The following PDE10A variants were observed in gnomAD, a reference collection of about 807,000 sequenced individuals.
PDE10A encodes cAMP and cAMP-inhibited cGMP 3',5'-cyclic phosphodiesterase 10A.
A neutral mutation model predicts 97.7 loss-of-function variants in PDE10A; 39 were observed. The ratio of observed to expected loss-of-function variants is 0.40; its 90% CI spans 0.31 to 0.52. PDE10A has a LOEUF of 0.52. Ranked by LOEUF, PDE10A falls within the 20% of genes least tolerant of loss-of-function variation. PDE10A has a pLI of 0.56. For synonymous variants in PDE10A, 371 were observed against 376.8 expected, an observed-to-expected ratio of 0.98 and a Z score of 0.18; for missense variants, 731 against 1,047.8, an observed-to-expected ratio of 0.70 and a Z score of 4.17.
At chr6:165,628,938 G>A (rs937547826) in intron 1 of PDE10A, among the ~76,000 whole-genome samples, 3 of 151,928 alleles carry the variant, frequency 2.0e-5, no homozygotes, top group African/African-American at 7.3e-5. Flanking sequence ...AATTATCAGA[G>A]GGCAACAGAT....
intron 3 of PDE10A, among the ~76,000 whole-genome samples, chr6:165,474,085 A>C (rs1209914190): frequency 6.6e-6 from 1 of 152,220 alleles, no homozygotes; most frequent in Non-Finnish European, 1.5e-5. Context: ...ACAGTTGATT[A>C]TGTTAATCCT....
chr6:165,356,103 T>G, intron 18 of PDE10A, among the ~76,000 whole-genome samples: 1 of 152,054 alleles, frequency 6.6e-6, no homozygotes, highest in East Asian at 1.9e-4. Context: ...TGGGTGAGAA[T>G]TCATTCACTA....
At chr6:165,903,207 G>T (rs577224039) in intron 1 of PDE10A, among the ~76,000 whole-genome samples, 1 of 152,150 alleles carries the variant, frequency 6.6e-6, no homozygotes, top group Non-Finnish European at 1.5e-5. Flanking sequence ...TTATTCTTCT[G>T]CATTGGGAGC....
At chr6:165,501,701 G>A (rs1780900640) in intron 2 of PDE10A, among the ~76,000 whole-genome samples, 1 of 152,168 alleles carries the variant, frequency 6.6e-6, no homozygotes, top group Non-Finnish European at 1.5e-5. Flanking sequence ...ATACCCTGTT[G>A]AAGGATCAGA....
chr6:165,813,611 C>T (rs574198715), intron 1 of PDE10A, among the ~76,000 whole-genome samples: 12 of 152,228 alleles, frequency 7.9e-5, no homozygotes, highest in African/African-American at 2.4e-4. Flanking sequence ...AATCTGTAAA[C>T]GGTAAGGTAA....
intron 1 of PDE10A, among the ~76,000 whole-genome samples, chr6:165,590,972 C>T (rs1786229208): frequency 2.6e-5 from 4 of 152,152 alleles, no homozygotes. Context: ...AATTTCCCCT[C>T]AGCTAACAAA....
chr6:165,957,476 T>C (rs926270646), intron 1 of PDE10A, among the ~76,000 whole-genome samples: 2 of 151,966 alleles, frequency 1.3e-5, no homozygotes, highest in African/African-American at 4.8e-5. Context: ...GGGACCTATC[T>C]CTAAAAAAAT....
intron 1 of PDE10A, among the ~76,000 whole-genome samples, chr6:165,572,143 T>C (rs1467961980): frequency 6.6e-6 from 1 of 152,232 alleles, no homozygotes; most frequent in Admixed American, 6.5e-5. Context: ...CCTTCCCTAA[T>C]ACTTAATCAT....
chr6:165,335,502 A>C (rs150907390), intron 21 of PDE10A, among the ~76,000 whole-genome samples: 247 of 152,300 alleles, frequency 1.6e-3, no homozygotes, highest in African/African-American at 5.7e-3. Context: ...AGTGTACTAC[A>C]TAGGGACATA....
chr6:165,461,485 A>G (rs1429141600), intron 3 of PDE10A, among the ~76,000 whole-genome samples: 1 of 152,224 alleles, frequency 6.6e-6, no homozygotes, highest in African/African-American at 2.4e-5. Flanking sequence ...TGTAGCTGTA[A>G]TTGAGGTATT....
intron 18 of PDE10A, among the ~76,000 whole-genome samples, chr6:165,373,737 A>G (rs1240151408): frequency 3.9e-5 from 6 of 152,128 alleles, no homozygotes; most frequent in African/African-American, 1.4e-4. Context: ...CTGGGTATAT[A>G]CCCAAAGGAC....
intron 1 of PDE10A, among the ~76,000 whole-genome samples, chr6:165,636,552 C>T (rs1788886512): frequency 6.6e-6 from 1 of 152,152 alleles, no homozygotes; most frequent in African/African-American, 2.4e-5. Flanking sequence ...CCTCACATTC[C>T]AGACGTTCCA....
chr6:165,433,738 G>T (rs934931119), intron 6 of PDE10A, among the ~76,000 whole-genome samples: 2 of 151,960 alleles, frequency 1.3e-5, no homozygotes, highest in African/African-American at 4.8e-5. Context: ...ACAGGGGGCC[G>T]GGCGCAGTGG....
intron 17 of PDE10A, among the ~76,000 whole-genome samples, chr6:165,379,753 G>A (rs1250205041): frequency 3.3e-5 from 5 of 152,074 alleles, no homozygotes; most frequent in African/African-American, 9.7e-5. Context: ...AGTAATTTTT[G>A]TATTATACTA....
intron 1 of PDE10A, among the ~76,000 whole-genome samples, chr6:165,798,690 G>A (rs139254527): frequency 1.3e-4 from 19 of 150,022 alleles, no homozygotes; most frequent in Non-Finnish European, 2.2e-4. Context: ...ATTAATCATC[G>A]AGGTTAAATT....
intron 1 of PDE10A, among the ~76,000 whole-genome samples, chr6:165,794,641 A>G (rs1778781392): frequency 6.6e-6 from 1 of 151,930 alleles, no homozygotes; most frequent in Non-Finnish European, 1.5e-5. Flanking sequence ...CACAACCCAC[A>G]CTCTCACACA....
intron 1 of PDE10A, among the ~76,000 whole-genome samples, chr6:165,590,965 T>C (rs989272903): frequency 6.6e-6 from 1 of 152,150 alleles, no homozygotes; most frequent in African/African-American, 2.4e-5. Flanking sequence ...TGTATGTAAT[T>C]TCCCCTCAGC....
chr6:165,402,998 A>G (rs73031863), intron 13 of PDE10A, among the ~76,000 whole-genome samples: 3 of 152,302 alleles, frequency 2.0e-5, no homozygotes, highest in African/African-American at 4.8e-5. Context: ...TCTACTTGGA[A>G]CAAATCTCTT....
intron 1 of PDE10A, among the ~76,000 whole-genome samples, chr6:165,674,351 T>A (rs1384976394): frequency 2.0e-5 from 3 of 149,702 alleles, no homozygotes; most frequent in African/African-American, 7.4e-5. Flanking sequence ...AAAGGTGTGG[T>A]TCTGTCAGTC....
Sources: allele counts gnomAD v4.1 joint callset (sites outside exome capture counted in the v4.1 genomes callset), GRCh38; gene constraint gnomAD v4.1.1; transcripts MANE v1.5; gene names NCBI Gene and HGNC (gene_info 2026-07-23, HGNC 2026-07-21).